The following MMS22L variants were observed in gnomAD, a reference collection of about 807,000 sequenced individuals.
MMS22L encodes the protein protein MMS22-like.
A neutral mutation model predicts 159.1 loss-of-function variants in MMS22L; 74 were observed. The observed-to-expected ratio is 0.47, with a 90% CI of 0.39 to 0.56. The LOEUF is 0.56. Ranked by LOEUF, MMS22L falls within the 20% of genes least tolerant of loss-of-function variation. MMS22L has a pLI of 0.00. For synonymous variants in MMS22L, 517 were observed against 506.9 expected (o/e 1.02, Z -0.27); for missense variants, 1,351 against 1,422.1 (o/e 0.95, Z 0.80).
intron 3 of MMS22L, 103 bp downstream of exon 3, chr6:97,281,134 T>C (rs1816720954): frequency 1.7e-5 from 19 of 1,138,472 alleles, no homozygotes; most frequent in Admixed American, 2.6e-5. Flanking sequence ...ACCAGCACAA[T>C]TCCTCTGGTC....
At chr6:97,263,476 T>G in intron 8 of MMS22L, 28 bp from the exon 9 acceptor site, 7 of 1,223,332 alleles carry the variant, frequency 5.7e-6, no homozygotes, top group South Asian at 3.1e-5. Context: ...AATGTGTTAT[T>G]TATAAGACAG....
At chr6:97,163,515 A>G (rs993003854) in intron 21 of MMS22L, among the ~76,000 whole-genome samples, 11 of 152,118 alleles carry the variant, frequency 7.2e-5, no homozygotes, top group Admixed American at 2.0e-4. Context: ...AGGAAAGTCA[A>G]CTAATTCTGG....
intron 8 of MMS22L, chr6:97,267,347 G>A (rs1438247946): frequency 1.3e-5 from 2 of 151,950 alleles, no homozygotes; most frequent in Non-Finnish European, 2.9e-5. Flanking sequence ...AACATGTTCT[G>A]TAGCACCTTT....
chr6:97,254,838 A>C, intron 9 of MMS22L, 105 bp from the exon 10 acceptor site: 3 of 833,002 alleles, frequency 3.6e-6, no homozygotes, highest in Non-Finnish European at 5.2e-6. Context: ...AAAAGACAAA[A>C]CACATATATA....
intron 11 of MMS22L, among the ~76,000 whole-genome samples, chr6:97,235,502 C>T (rs1811299826): frequency 6.6e-6 from 1 of 150,826 alleles, no homozygotes. Flanking sequence ...AGAATATATG[C>T]AAAAACAAGT....
At chr6:97,241,120 T>C (rs1038047996) in intron 11 of MMS22L, among the ~76,000 whole-genome samples, 1 of 152,248 alleles carries the variant, frequency 6.6e-6, no homozygotes, top group African/African-American at 2.4e-5. Flanking sequence ...TCAATCCAGG[T>C]TCCTGCAAAT....
At chr6:97,178,297 C>T in intron 18 of MMS22L, 146 bp downstream of exon 18, 1 of 581,464 alleles carries the variant, frequency 1.7e-6, no homozygotes, top group Non-Finnish European at 2.8e-6. Context: ...ATTTTTCTTC[C>T]TCCAGAACTT....
Position 97,243,062 on chromosome 6 carries a change from A to T in MMS22L, c.1182+3566T>A, listed in dbSNP as rs76038865. Among the ~76,000 whole-genome samples the T allele has an allele frequency of 9.2e-3, 1,408 of 152,238 alleles. 21 individuals are homozygous for T. The highest frequency in any genetic ancestry group is 0.066 in the South Asian group (317 of 4,822). On this transcript the variant is annotated intron_variant, in intron 11 of 24. Transcript: ENST00000683635. ...TGATGACTATGTGCCTAAGGTGATTATCTTTTTTGTGATGTTTCCCAGGTG... is the reference window on the plus strand; with the variant it reads ...TGATGACTATGTGCCTAAGGTGATTTTCTTTTTTGTGATGTTTCCCAGGTG...
At chr6:97,277,482 C>T (rs1816353263) in intron 4 of MMS22L, among the ~76,000 whole-genome samples, 2 of 151,860 alleles carry the variant, frequency 1.3e-5, no homozygotes. Flanking sequence ...AAGACAAAAA[C>T]AAAACCTCTG....
chr6:97,169,434 T>C (rs1481517114), intron 19 of MMS22L, among the ~76,000 whole-genome samples: 1 of 152,136 alleles, frequency 6.6e-6, no homozygotes, highest in Non-Finnish European at 1.5e-5. Flanking sequence ...TTATATTTTA[T>C]TCCATCCTAG....
chr6:97,218,972 G>A (rs1193163314), intron 14 of MMS22L, among the ~76,000 whole-genome samples: 3 of 152,078 alleles, frequency 2.0e-5, no homozygotes, highest in Non-Finnish European at 4.4e-5. Context: ...AGGAGGAAGA[G>A]CTGCTAGCAG....
At chr6:97,262,200 T>TAC (rs751704164) in intron 9 of MMS22L, among the ~76,000 whole-genome samples, 1 of 152,206 alleles carries the variant, frequency 6.6e-6, no homozygotes, top group Non-Finnish European at 1.5e-5. Context: ...AGTTCAAATT[T>TAC]ACACAATTCA....
intron 3 of MMS22L, among the ~76,000 whole-genome samples, chr6:97,280,386 T>A (rs1816652524): frequency 6.6e-6 from 1 of 151,750 alleles, no homozygotes; most frequent in African/African-American, 2.4e-5. Context: ...CAGGCTGGAG[T>A]ACAGTGGGCA....
chr6:97,189,834 A>T (rs1304602783), intron 14 of MMS22L, among the ~76,000 whole-genome samples: 1 of 152,172 alleles, frequency 6.6e-6, no homozygotes, highest in Admixed American at 6.5e-5. Context: ...CAGTCTGGAT[A>T]AGAAGAAATG....
intron 14 of MMS22L, among the ~76,000 whole-genome samples, chr6:97,196,570 T>G (rs1230070419): frequency 6.6e-6 from 1 of 152,074 alleles, no homozygotes; most frequent in Non-Finnish European, 1.5e-5. Flanking sequence ...TCTCAAAAAG[T>G]TAGAGCCAAA....
intron 14 of MMS22L, among the ~76,000 whole-genome samples, chr6:97,209,335 G>A (rs1163756357): frequency 6.6e-6 from 1 of 151,892 alleles, no homozygotes; most frequent in Non-Finnish European, 1.5e-5. Flanking sequence ...AATTACTACA[G>A]TATCCCACTA....
intron 15 of MMS22L, among the ~76,000 whole-genome samples, chr6:97,184,750 G>A (rs1157065196): frequency 3.3e-5 from 5 of 152,206 alleles, no homozygotes; most frequent in African/African-American, 1.2e-4. Flanking sequence ...TATTACAATA[G>A]TTCCCTAACT....
Position 97,254,574 on chromosome 6 carries a change from C to T in MMS22L, c.1102G>A (p.Gly368Arg), listed in dbSNP as rs147347920. 6.2e-7 allele frequency: 1 copy of T among 1,613,170 alleles called. No individual in the cohort carries two copies. Among genetic ancestry groups the T allele is most frequent in the Non-Finnish European group, 8.5e-7 (1 of 1,179,642 alleles). ...VASFYKFDRHGVPDEMRKVES... is the reference protein window; with the variant it reads ...VASFYKFDRHRVPDEMRKVES... ...AGTCTTACCATTTCATCTGGTACTCCATGGCGATCAAACTTGTAAAATGAT... is the reference window on the plus strand; with the variant it reads ...AGTCTTACCATTTCATCTGGTACTCTATGGCGATCAAACTTGTAAAATGAT... The change falls in exon 10 of 25, where the codon GGA becomes AGA. Residue 368 changes from glycine (G) to arginine (R), a missense_variant. Transcript: ENST00000683635.
intron 9 of MMS22L, among the ~76,000 whole-genome samples, chr6:97,258,153 T>C (rs189801421): frequency 6.6e-6 from 1 of 152,336 alleles, no homozygotes; most frequent in East Asian, 1.9e-4. Context: ...GATGATATCC[T>C]TATTGTATCA....
Sources: gnomAD v4.1 joint callset for allele counts (sites outside exome capture counted in the v4.1 genomes callset) on GRCh38, gnomAD v4.1.1 for gene constraint, MANE v1.5 for transcripts, NCBI Gene and HGNC (gene_info 2026-07-23, HGNC 2026-07-21) for gene names.